Variants in PDE11A observed in about 807,000 individuals in gnomAD.
PDE11A encodes dual 3',5'-cyclic-AMP and -GMP phosphodiesterase 11A.
A neutral mutation model predicts 100.5 loss-of-function variants in PDE11A; 100 were observed. The observed-to-expected ratio is 1.00, with a 90% CI of 0.85 to 1.18. The LOEUF (loss-of-function observed/expected upper bound fraction) is 1.18. Ranked by LOEUF, PDE11A falls within the 50% of genes most tolerant of loss-of-function variation. PDE11A has a pLI of 0.00. For missense variants in PDE11A, 1,141 were observed against 1,152.6 expected (o/e 0.99, Z 0.15); for synonymous variants, 381 against 420.8 (o/e 0.91, Z 1.16).
chr2:177,905,019 T>C, intron 3 of PDE11A, 79 bp downstream of exon 3: 2 of 806,164 alleles, frequency 2.5e-6, no homozygotes, highest in East Asian at 4.9e-5. Context: ...ATTCATTGGC[T>C]GTTTTTAAAA....
chr2:177,971,215 T>G (rs964379580), intron 2 of PDE11A, among the ~76,000 whole-genome samples: 1 of 152,202 alleles, frequency 6.6e-6, no homozygotes, highest in African/African-American at 2.4e-5. Context: ...ATGTGAACCT[T>G]GAGCCGGCTA....
rs142784802 is a variant in PDE11A at position 178,013,237 on chromosome 2, T to C, written c.1071+1065A>G. 3.3e-4 allele frequency among the ~76,000 whole-genome samples: 51 copies of C among 152,306 alleles called. No individual in the cohort carries two copies. The East Asian group carries it at 9.3e-3, about 28-fold the overall frequency. Reference sequence around the variant, plus strand: ...GTAGCTCCTGGATGACATAACATGATTGGGATTTATCTTTGTGCCTCTTAG... The same window carrying C: ...GTAGCTCCTGGATGACATAACATGACTGGGATTTATCTTTGTGCCTCTTAG... On this transcript the variant is annotated intron_variant, in intron 2 of 19. Coordinates refer to ENST00000286063, the MANE Select transcript of PDE11A (RefSeq NM_016953.4).
intron 2 of PDE11A, among the ~76,000 whole-genome samples, chr2:178,005,307 C>T (rs1253906376): frequency 1.3e-5 from 2 of 152,036 alleles, no homozygotes; most frequent in Non-Finnish European, 1.5e-5. Flanking sequence ...TAAGCACATT[C>T]GTATAAATAA....
chr2:178,108,338 C>G (rs2087647382), exon 1 of PDE11A: 1 of 152,238 alleles, frequency 6.6e-6, no homozygotes, highest in Non-Finnish European at 1.5e-5. Context: ...GGGCTGCAAG[C>G]GCAGCCGGAC....
intron 4 of PDE11A, among the ~76,000 whole-genome samples, chr2:177,897,747 A>G (rs555076678): frequency 1.3e-5 from 2 of 152,156 alleles, no homozygotes; most frequent in Non-Finnish European, 2.9e-5. Context: ...ACTTGAGTTT[A>G]TCTTCTAATG....
rs201498590 is a variant in PDE11A, at chr2:178,006,827, G to T, written c.1071+7475C>A. On this transcript the variant is annotated intron_variant, in intron 2 of 19. Transcript: ENST00000286063. ...AATTCCATTTCTGTCAAAACAAGGG[G>T]GGGGGGGGAAGCCAATGCATTCCAA... Among the ~76,000 whole-genome samples the T allele has an allele frequency of 2.5e-3, 371 of 147,198 alleles. 5 individuals carry two copies. Among genetic ancestry groups the T allele is most frequent in the Non-Finnish European group, 4.4e-3 (288 of 66,170 alleles).
intron 5 of PDE11A, among the ~76,000 whole-genome samples, chr2:177,851,739 C>CTTT (rs3066392): frequency 1.3e-5 from 2 of 151,140 alleles, no homozygotes; most frequent in Admixed American, 1.3e-4. Context: ...TTTAAAATGT[C>CTTT]TTTTTTTTTA....
chr2:178,096,067 T>C (rs569632312), intron 2 of PDE11A, among the ~76,000 whole-genome samples: 2 of 152,208 alleles, frequency 1.3e-5, no homozygotes, highest in South Asian at 2.1e-4. Context: ...CCCCATTGTC[T>C]TGGTGCTTAA....
intron 2 of PDE11A, 121 bp downstream of exon 2, chr2:178,014,181 G>C (rs901050192): frequency 2.7e-6 from 2 of 737,894 alleles, no homozygotes; most frequent in Admixed American, 4.4e-5. Context: ...ATGAGAAAAA[G>C]CTCTTTGATC....
At chr2:178,029,195 T>C (rs529222736) in intron 1 of PDE11A, among the ~76,000 whole-genome samples, 8 of 152,304 alleles carry the variant, frequency 5.3e-5, no homozygotes, top group Admixed American at 2.6e-4. Context: ...AGTTCCATGA[T>C]TGACATGAAA....
chr2:177,724,697 G>T (rs1423508837), intron 12 of PDE11A, among the ~76,000 whole-genome samples: 1 of 152,078 alleles, frequency 6.6e-6, no homozygotes, highest in Non-Finnish European at 1.5e-5. Flanking sequence ...CCGACAGACT[G>T]GTTTTGTTGC....
chr2:177,943,569 A>G (rs987553040), intron 2 of PDE11A, among the ~76,000 whole-genome samples: 3 of 152,088 alleles, frequency 2.0e-5, no homozygotes, highest in Non-Finnish European at 4.4e-5. Context: ...CCCATTTTTA[A>G]ATCATGTTAG....
chr2:177,859,178 A>T (rs2083898842), intron 5 of PDE11A, among the ~76,000 whole-genome samples: 1 of 152,112 alleles, frequency 6.6e-6, no homozygotes, highest in African/African-American at 2.4e-5. Flanking sequence ...GCACACCAAC[A>T]TGGCACATGT....
intron 5 of PDE11A, among the ~76,000 whole-genome samples, chr2:177,870,399 C>T (rs746499674): frequency 3.9e-5 from 6 of 152,188 alleles, no homozygotes; most frequent in Non-Finnish European, 5.9e-5. Context: ...GTACCAACAA[C>T]GTACAATACA....
intron 2 of PDE11A, among the ~76,000 whole-genome samples, chr2:178,082,246 AAGAAAC>A (rs1319797423): frequency 6.6e-6 from 1 of 152,256 alleles, no homozygotes; most frequent in East Asian, 1.9e-4. Context: ...AAATAAAAGA[AAGAAAC>A]AGAACAGTTT....
chr2:177,704,765 C>T (rs967865162), intron 13 of PDE11A, among the ~76,000 whole-genome samples: 12 of 152,060 alleles, frequency 7.9e-5, no homozygotes, highest in Admixed American at 5.9e-4. Flanking sequence ...TTTCCAGAGG[C>T]GGCAATATGT....
chr2:177,790,182 A>C (rs1417518192), intron 9 of PDE11A, among the ~76,000 whole-genome samples: 2 of 148,662 alleles, frequency 1.3e-5, no homozygotes, highest in African/African-American at 2.5e-5. Context: ...TACTGGTACC[A>C]AAACAGAGAT....
intron 19 of PDE11A, among the ~76,000 whole-genome samples, chr2:177,634,830 C>G (rs761293763): frequency 3.9e-5 from 6 of 152,144 alleles, no homozygotes; most frequent in Non-Finnish European, 4.4e-5. Context: ...GAGTCATCAG[C>G]AAGAGAATTG....
At chr2:177,770,958 C>T (rs559820063) in intron 9 of PDE11A, among the ~76,000 whole-genome samples, 1 of 152,266 alleles carries the variant, frequency 6.6e-6, no homozygotes, top group South Asian at 2.1e-4. Flanking sequence ...TCCCAAGTAG[C>T]TGCGACCACA....
Sources: allele counts gnomAD v4.1 joint callset (sites outside exome capture counted in the v4.1 genomes callset), GRCh38; gene constraint gnomAD v4.1.1; transcripts MANE v1.5; gene names NCBI Gene and HGNC (gene_info 2026-07-23, HGNC 2026-07-21).